The following TMEM272 variants were observed in gnomAD, a reference collection of about 807,000 sequenced individuals.
TMEM272 encodes long intergenic non-protein coding RNA 282.
TMEM272 carries 8 observed loss-of-function variants against 3.7 expected under a neutral mutation model. That is an observed-to-expected ratio of 2.17 (90% CI 1.27 to 3.91). The LOEUF (loss-of-function observed/expected upper bound fraction) is 3.91. Ranked by LOEUF, TMEM272 falls within the 30% of genes most tolerant of loss-of-function variation. The pLI, the probability that TMEM272 is intolerant of heterozygous loss-of-function variation, is 0.00. For synonymous variants in TMEM272, 63 were observed against 39.8 expected (o/e 1.58, Z -2.20); for missense variants, 166 against 91.5 (o/e 1.81, Z -3.32).
At chr13:51,870,518 C>T in the TMEM272 span, among the ~76,000 whole-genome samples, 2 of 9,086 alleles carry the variant, frequency 2.2e-4, no homozygotes, top group African/African-American at 5.3e-4. Context: ...CATGCACTGG[C>T]TTCTACTCCC....
chr13:51,881,508 G>C, the TMEM272 span, among the ~76,000 whole-genome samples: 1 of 152,182 alleles, frequency 6.6e-6, no homozygotes, highest in South Asian at 2.1e-4. Context: ...CAGAAGTGGG[G>C]AGGGGTGTTA....
the TMEM272 span, among the ~76,000 whole-genome samples, chr13:51,899,627 T>C: frequency 6.6e-6 from 1 of 152,230 alleles, no homozygotes; most frequent in East Asian, 1.9e-4. Flanking sequence ...ATCTGGCTTC[T>C]ATGTAGAAAT....
chr13:51,855,877 T>G, the TMEM272 span, among the ~76,000 whole-genome samples: 1 of 152,162 alleles, frequency 6.6e-6, no homozygotes, highest in East Asian at 1.9e-4. Context: ...TGTCCAAGAA[T>G]GTCCTAAAAG....
At chr13:51,895,005 G>A in the TMEM272 span, among the ~76,000 whole-genome samples, 5 of 151,986 alleles carry the variant, frequency 3.3e-5, no homozygotes, top group African/African-American at 1.2e-4. Flanking sequence ...TTCACAATAG[G>A]GTTCATGCTC....
intron 2 of TMEM272, among the ~76,000 whole-genome samples, chr13:51,832,016 ATTCT>A (rs762954549): frequency 1.7e-4 from 26 of 152,218 alleles, no homozygotes; most frequent in Non-Finnish European, 3.5e-4. Context: ...GAGTCAAGTC[ATTCT>A]TTATGCTAAG....
chr13:51,842,402 T>C (rs1435835789), intron 1 of TMEM272, among the ~76,000 whole-genome samples: 2 of 152,172 alleles, frequency 1.3e-5, no homozygotes, highest in African/African-American at 4.8e-5. Flanking sequence ...TTTTAAAAAG[T>C]AGCATGTAGG....
intron 2 of TMEM272, among the ~76,000 whole-genome samples, chr13:51,833,955 G>A (rs867626858): frequency 1.3e-5 from 2 of 152,168 alleles, no homozygotes; most frequent in Admixed American, 6.5e-5. Context: ...GGGGGCTGCT[G>A]AGGGTGGAAC....
chr13:51,910,342 C>T, the TMEM272 span: 3 of 1,259,084 alleles, frequency 2.4e-6, no homozygotes, highest in Non-Finnish European at 3.5e-6. Flanking sequence ...CTAAATTTTT[C>T]AAGTAGTCTA....
chr13:51,920,215 C>T, the TMEM272 span, among the ~76,000 whole-genome samples: 4 of 151,488 alleles, frequency 2.6e-5, no homozygotes, highest in East Asian at 1.9e-4. Flanking sequence ...GCTCCTGAAA[C>T]GGGTCTGATA....
the TMEM272 span, among the ~76,000 whole-genome samples, chr13:51,882,814 T>G: frequency 6.2e-4 from 94 of 152,206 alleles, no homozygotes; most frequent in East Asian, 0.018. Flanking sequence ...AACACAGTTG[T>G]GTTACAGGAT....
At chr13:51,833,925 A>C (rs1427361927) in intron 2 of TMEM272, among the ~76,000 whole-genome samples, 1 of 152,018 alleles carries the variant, frequency 6.6e-6, no homozygotes, top group Non-Finnish European at 1.5e-5. Context: ...GAGTCCCCCA[A>C]AGAGGAGGAG....
At chr13:51,930,523 A>G in the TMEM272 span, 2 of 152,218 alleles carry the variant, frequency 1.3e-5, no homozygotes, top group Non-Finnish European at 2.9e-5. Context: ...GCTCCACAAT[A>G]CTTTCCAATA....
At chr13:51,884,295 G>T in the TMEM272 span, among the ~76,000 whole-genome samples, 1 of 152,160 alleles carries the variant, frequency 6.6e-6, no homozygotes, top group African/African-American at 2.4e-5. Flanking sequence ...TCCACAGATG[G>T]GGAGCCTAGA....
rs1276903497 is a variant in TMEM272, at chr13:51,817,042, A to G, written c.273T>C (p.Asp91=). The change falls in exon 5 of 5, where the codon GAT becomes GAC. Residue 91 remains aspartate, a synonymous_variant. Coordinates refer to ENST00000629372, the MANE Select transcript of TMEM272 (RefSeq NM_001351003.2). ...LLSKAVVIDD[D]DDDEYPWRQN... Reference sequence around the variant, plus strand: ...GCCTCCAGGGGTATTCGTCATCGTCATCGTCATCAATCACCACGGCCTTGG... The same window carrying G: ...GCCTCCAGGGGTATTCGTCATCGTCGTCGTCATCAATCACCACGGCCTTGG... 1 of 702,992 alleles carries G rather than the reference A, an allele frequency of 1.4e-6. No homozygotes were observed. The highest frequency in any genetic ancestry group is 2.6e-6 in the Non-Finnish European group (1 of 384,996). The allele number at this position is 702,992 out of a possible 1,614,324, so 43.5% of individuals were successfully genotyped here.
At chr13:51,828,234 C>T (rs923273576) in intron 2 of TMEM272, among the ~76,000 whole-genome samples, 5 of 152,180 alleles carry the variant, frequency 3.3e-5, no homozygotes, top group African/African-American at 1.2e-4. Context: ...ATACAGAGCC[C>T]ACTGTACCTG....
At chr13:51,866,206 G>T in the TMEM272 span, 1 of 856,846 alleles carries the variant, frequency 1.2e-6, no homozygotes. Context: ...ATCCAATAAA[G>T]TCCTGAGGCA....
chr13:51,910,797 G>A, the TMEM272 span, among the ~76,000 whole-genome samples: 1 of 152,272 alleles, frequency 6.6e-6, no homozygotes, highest in Non-Finnish European at 1.5e-5. Flanking sequence ...CCACAGGCCT[G>A]ACAGGCCCAC....
upstream of TMEM272, among the ~76,000 whole-genome samples, chr13:51,849,060 A>G (rs931462994): frequency 1.3e-5 from 2 of 152,198 alleles, no homozygotes; most frequent in African/African-American, 4.8e-5. Flanking sequence ...GCATTTCAAT[A>G]TAAGTTTTCA....
chr13:51,895,034 A>T, the TMEM272 span, among the ~76,000 whole-genome samples: 1 of 152,116 alleles, frequency 6.6e-6, no homozygotes, highest in Admixed American at 6.5e-5. Context: ...ATCTAATGCC[A>T]CTGCTGATCT....
Sources: gnomAD v4.1 joint callset for allele counts (sites outside exome capture counted in the v4.1 genomes callset) on GRCh38, gnomAD v4.1.1 for gene constraint, MANE v1.5 for transcripts, NCBI Gene and HGNC (gene_info 2026-07-23, HGNC 2026-07-21) for gene names.